Variants in SGK3 observed in about 807,000 individuals in gnomAD.
The protein encoded by SGK3 is serine/threonine-protein kinase Sgk3.
In SGK3, 47 loss-of-function variants were observed where a neutral mutation model predicts 68.5. That is an observed-to-expected ratio of 0.69 (90% CI 0.54 to 0.87). The LOEUF is 0.87. Ranked by LOEUF, SGK3 falls within the 40% of genes least tolerant of loss-of-function variation. The probability of loss-of-function intolerance (pLI) is 0.00; values close to 1 mark genes in which losing one functional copy is unlikely to be tolerated. For synonymous variants in SGK3, 181 were observed against 189.1 expected, an observed-to-expected ratio of 0.96 and a Z score of 0.35; for missense variants, 479 against 575.5, an observed-to-expected ratio of 0.83 and a Z score of 1.72.
At position 66,835,955 on chromosome 8, in the gene SGK3, A is replaced by AT. The variant is rs1489184561; in HGVS notation, c.623dup (p.Met208IlefsTer3). ...GCCTTTTTTCCAGCAAAAACATATT[A>AT]TGGCTGAACGTAATGTGCTCTTGAA... On this transcript the variant is annotated frameshift_variant, in exon 10 of 17. Coordinates refer to ENST00000521198, the MANE Select transcript of SGK3 (RefSeq NM_001033578.3). LOFTEE classifies it high-confidence loss of function. The AT allele has an allele frequency of 1.9e-6, 3 of 1,613,566 alleles. No individual in the cohort carries two copies. In the African/African-American group the frequency reaches 4.0e-5, roughly 22 times the overall value.
Position 66,861,902 on chromosome 8 carries a change from C to A in SGK3, c.*2321C>A, listed in dbSNP as rs1412699766. 1.3e-5 allele frequency: 2 copies of A among 151,864 alleles called. No individual in the cohort carries two copies. The highest frequency in any genetic ancestry group is 2.9e-5 in the Non-Finnish European group (2 of 67,992). The allele number at this position is 151,864 out of a possible 1,614,324, so 9.4% of individuals were successfully genotyped here. On this transcript the variant is annotated 3_prime_UTR_variant, in exon 17 of 17. Coordinates refer to ENST00000521198, the MANE Select transcript of SGK3 (RefSeq NM_001033578.3). ...GTACTCATTCATTCCTGTTAAGCTG[C>A]CAAAAATTAAAGTGCAATATTGTAT...
rs573495476 is a variant in SGK3 at position 66,811,287 on chromosome 8, G to A, written c.254-2566G>A. ...TTTACCTAGGCCTCCCAAAACTGTG[G>A]GATTACAGACGTGAGCCACTGCACC... is the stretch of plus-strand genomic sequence containing the variant. On this transcript the variant is annotated intron_variant, in intron 4 of 16. Coordinates refer to ENST00000521198, the MANE Select transcript of SGK3 (RefSeq NM_001033578.3). 5.3e-5 allele frequency among the ~76,000 whole-genome samples: 8 copies of A among 152,036 alleles called. No individual in the cohort carries two copies. In the East Asian group the frequency reaches 9.7e-4, roughly 18 times the overall value.
intron 2 of SGK3, among the ~76,000 whole-genome samples, chr8:66,794,622 G>A (rs926481841): frequency 6.6e-6 from 1 of 152,042 alleles, no homozygotes; most frequent in African/African-American, 2.4e-5. Flanking sequence ...ATTTAACCAG[G>A]TCTCAGGATA....
intron 5 of SGK3, 99 bp downstream of exon 5, chr8:66,814,027 T>G (rs1050196249): frequency 6.4e-6 from 6 of 934,280 alleles, no homozygotes; most frequent in African/African-American, 5.2e-5. Context: ...GAAATGTTAC[T>G]GTGCTATATA....
chr8:66,792,284 G>T (rs1329903520), intron 1 of SGK3, among the ~76,000 whole-genome samples: 1 of 147,206 alleles, frequency 6.8e-6, no homozygotes, highest in Admixed American at 6.9e-5. Flanking sequence ...AGCTGAGATT[G>T]TGCCATTGCA....
intron 1 of SGK3, among the ~76,000 whole-genome samples, chr8:66,714,218 A>C (rs1804572115): frequency 1.3e-5 from 2 of 152,256 alleles, no homozygotes; most frequent in African/African-American, 4.8e-5. Flanking sequence ...AAAATAGAAC[A>C]TTTTTGTTTG....
At chr8:66,763,697 T>C (rs560628765) in intron 1 of SGK3, among the ~76,000 whole-genome samples, 9 of 152,084 alleles carry the variant, frequency 5.9e-5, no homozygotes, top group Non-Finnish European at 1.2e-4. Context: ...ATTTTAAAGA[T>C]AAAATACAAC....
At chr8:66,780,797 AG>A (rs1806942109) in intron 1 of SGK3, among the ~76,000 whole-genome samples, 1 of 152,164 alleles carries the variant, frequency 6.6e-6, no homozygotes, top group East Asian at 1.9e-4. Flanking sequence ...AGCCGTGGAA[AG>A]GGGGTTAAGC....
In SGK3 at chr8:66,846,809, A is replaced by G. The variant is rs1044447940; in HGVS notation, c.1075-384A>G. ...TCTCTACTAGAAATCCCTTTGTTTC[A>G]GTGAGTTTATTCCCAAGTCTGAAAT... On this transcript the variant is annotated intron_variant, in intron 14 of 16. Coordinates refer to ENST00000521198, the MANE Select transcript of SGK3 (RefSeq NM_001033578.3). Among the ~76,000 whole-genome samples, 10 of 152,320 alleles carry G rather than the reference A, an allele frequency of 6.6e-5. No individual in the cohort carries two copies. The South Asian group carries it at 1.9e-3, about 28-fold the overall frequency.
intron 3 of SGK3, among the ~76,000 whole-genome samples, chr8:66,802,397 G>A (rs1807981708): frequency 6.6e-6 from 1 of 152,064 alleles, no homozygotes; most frequent in Non-Finnish European, 1.5e-5. Flanking sequence ...TATAGAAATT[G>A]TCAAACACAG....
At chr8:66,732,104 T>TAA (rs1442413462) in intron 1 of SGK3, among the ~76,000 whole-genome samples, 3 of 152,214 alleles carry the variant, frequency 2.0e-5, no homozygotes, top group African/African-American at 7.2e-5. Context: ...GGTAAACAGT[T>TAA]AAATTTTCTT....
At chr8:66,755,040 C>A (rs1477453799) in intron 1 of SGK3, among the ~76,000 whole-genome samples, 1 of 152,080 alleles carries the variant, frequency 6.6e-6, no homozygotes, top group Non-Finnish European at 1.5e-5. Context: ...GGGTGGATCA[C>A]CTGAGGTCAG....
At position 66,804,887 on chromosome 8, in the gene SGK3, T is replaced by G. The variant is rs1217136256; in HGVS notation, c.253+440T>G. ...GAGGATCACTTCAGGCCAGGAGTTT[T>G]GAGACCAGCCTGGGCAACCTCATCT... On this transcript the variant is annotated intron_variant, in intron 4 of 16. Transcript: ENST00000521198. Among the ~76,000 whole-genome samples, 11 of 151,756 alleles carry G rather than the reference T, an allele frequency of 7.2e-5. No individual in the cohort carries two copies. The East Asian group carries it at 2.2e-3, about 30-fold the overall frequency.
chr8:66,756,855 T>C (rs1805993612), intron 1 of SGK3, among the ~76,000 whole-genome samples: 1 of 151,950 alleles, frequency 6.6e-6, no homozygotes, highest in Non-Finnish European at 1.5e-5. Context: ...CCTCCCAAAG[T>C]GCTGGGATTA....
At chr8:66,759,606 A>T (rs751183950) in intron 1 of SGK3, among the ~76,000 whole-genome samples, 5 of 151,688 alleles carry the variant, frequency 3.3e-5, no homozygotes, top group Non-Finnish European at 7.4e-5. Context: ...TAATTTTCGT[A>T]TTTTTAGTAG....
intron 1 of SGK3, among the ~76,000 whole-genome samples, chr8:66,791,367 G>A (rs938023176): frequency 6.6e-5 from 10 of 152,080 alleles, no homozygotes; most frequent in Non-Finnish European, 1.2e-4. Context: ...GTGGCGTTTG[G>A]GTCTGGAAGG....
At chr8:66,845,509 T>C (rs1191866793) in intron 14 of SGK3, among the ~76,000 whole-genome samples, 1 of 152,120 alleles carries the variant, frequency 6.6e-6, no homozygotes, top group East Asian at 1.9e-4. Context: ...ACTTTAAAAA[T>C]TATGTATACT....
At chr8:66,835,138 C>T (rs1458594179) in intron 8 of SGK3, among the ~76,000 whole-genome samples, 1 of 150,820 alleles carries the variant, frequency 6.6e-6, no homozygotes, top group Non-Finnish European at 1.5e-5. Flanking sequence ...GGTATGGTGG[C>T]ACACGCCTGT....
At chr8:66,827,700 A>G (rs1341317772) in intron 6 of SGK3, among the ~76,000 whole-genome samples, 1 of 152,160 alleles carries the variant, frequency 6.6e-6, no homozygotes. Context: ...TTTATTACTT[A>G]AATTTCTTCA....
Sources: allele counts gnomAD v4.1 joint callset (sites outside exome capture counted in the v4.1 genomes callset), GRCh38; gene constraint gnomAD v4.1.1; transcripts MANE v1.5; gene names NCBI Gene and HGNC (gene_info 2026-07-23, HGNC 2026-07-21).